The following CNTNAP2 variants were observed in gnomAD, a reference collection of about 807,000 sequenced individuals.
CNTNAP2 encodes contactin associated protein 2.
A neutral mutation model predicts 155.2 loss-of-function variants in CNTNAP2; 98 were observed. The ratio of observed to expected loss-of-function variants is 0.63; its 90% CI spans 0.54 to 0.75. The LOEUF (loss-of-function observed/expected upper bound fraction) is 0.75, where lower values mean the gene tolerates loss of function less well. Among genes scored for constraint, CNTNAP2 ranks in the 30% least tolerant of loss-of-function variants. The pLI is 0.00. For missense variants in CNTNAP2, 1,727 were observed against 1,688.1 expected, an observed-to-expected ratio of 1.02 and a Z score of -0.40; for synonymous variants, 651 against 631.2, an observed-to-expected ratio of 1.03 and a Z score of -0.47.
At chr7:147,159,278 G>T (rs973669918) in intron 8 of CNTNAP2, among the ~76,000 whole-genome samples, 1 of 152,066 alleles carries the variant, frequency 6.6e-6, no homozygotes, top group Admixed American at 6.6e-5. Context: ...ATAGGTAAGA[G>T]AATCATATGA....
At chr7:147,422,242 G>A (rs959993409) in intron 10 of CNTNAP2, among the ~76,000 whole-genome samples, 1 of 148,116 alleles carries the variant, frequency 6.8e-6, no homozygotes, top group Non-Finnish European at 1.5e-5. Context: ...TGTGTATATA[G>A]TATACTCATA....
intron 2 of CNTNAP2, among the ~76,000 whole-genome samples, chr7:146,811,133 G>A (rs995228105): frequency 5.3e-5 from 8 of 152,086 alleles, no homozygotes; most frequent in African/African-American, 7.2e-5. Flanking sequence ...TGATATGAAC[G>A]TTACTGGCCT....
chr7:146,827,781 A>G (rs1478139411), intron 2 of CNTNAP2, among the ~76,000 whole-genome samples: 2 of 152,218 alleles, frequency 1.3e-5, no homozygotes, highest in Non-Finnish European at 2.9e-5. Context: ...CTTGATTTCA[A>G]TTAGAAATGC....
At chr7:146,970,768 T>G (rs1438970940) in intron 3 of CNTNAP2, among the ~76,000 whole-genome samples, 2 of 152,186 alleles carry the variant, frequency 1.3e-5, no homozygotes, top group African/African-American at 4.8e-5. Flanking sequence ...ACACGTATGT[T>G]TATTGCGGCA....
At chr7:147,461,201 C>T (rs1798017414) in intron 10 of CNTNAP2, among the ~76,000 whole-genome samples, 1 of 152,062 alleles carries the variant, frequency 6.6e-6, no homozygotes, top group South Asian at 2.1e-4. Context: ...TAAATAAATA[C>T]ATAACAAAAT....
At chr7:146,332,941 A>ATTTTTTTTTTTTTTT (rs4016094) in intron 1 of CNTNAP2, among the ~76,000 whole-genome samples, 2 of 102,456 alleles carry the variant, frequency 2.0e-5, no homozygotes, top group Non-Finnish European at 3.9e-5. Context: ...TTCTTCTTCT[A>ATTTTTTTTTTTTTTT]TTTTTTTTTT....
At chr7:147,299,371 C>T (rs1048024214) in intron 8 of CNTNAP2, among the ~76,000 whole-genome samples, 5 of 151,336 alleles carry the variant, frequency 3.3e-5, no homozygotes, top group African/African-American at 1.2e-4. Flanking sequence ...TTCCAAAGAT[C>T]GTTGTATCAA....
intron 2 of CNTNAP2, among the ~76,000 whole-genome samples, chr7:146,788,967 A>G (rs1419726590): frequency 1.3e-5 from 2 of 152,286 alleles, no homozygotes; most frequent in African/African-American, 2.4e-5. Context: ...TGTATCAAGT[A>G]TCCATGAATA....
At chr7:148,354,562 A>C (rs781638614) in intron 21 of CNTNAP2, among the ~76,000 whole-genome samples, 5 of 152,056 alleles carry the variant, frequency 3.3e-5, no homozygotes, top group Non-Finnish European at 5.9e-5. Flanking sequence ...ACCTGTCCTC[A>C]GGAGCTCAAA....
At chr7:146,672,752 A>G (rs568065938) in intron 1 of CNTNAP2, among the ~76,000 whole-genome samples, 1 of 152,240 alleles carries the variant, frequency 6.6e-6, no homozygotes, top group African/African-American at 2.4e-5. Flanking sequence ...GAAAGATAAA[A>G]TAACCAAACA....
At chr7:148,335,054 TA>T (rs755461610) in intron 21 of CNTNAP2, among the ~76,000 whole-genome samples, 8 of 152,132 alleles carry the variant, frequency 5.3e-5, no homozygotes, top group Non-Finnish European at 1.0e-4. Flanking sequence ...CTCTCAGCTG[TA>T]TTGTGTCTGG....
At chr7:147,484,270 A>G (rs948627400) in intron 10 of CNTNAP2, among the ~76,000 whole-genome samples, 16 of 152,118 alleles carry the variant, frequency 1.1e-4, no homozygotes, top group African/African-American at 3.9e-4. Context: ...ATTCAACAAG[A>G]TGCTTTTGTT....
intron 1 of CNTNAP2, among the ~76,000 whole-genome samples, chr7:146,318,140 C>CA (rs56687517): frequency 0.13 from 14,459 of 112,894 alleles, 1,621 homozygotes; most frequent in African/African-American, 0.32. Flanking sequence ...GACTCCATCT[C>CA]AAAAAAAAAA....
At chr7:146,693,581 A>G (rs1316898730) in intron 1 of CNTNAP2, among the ~76,000 whole-genome samples, 1 of 152,166 alleles carries the variant, frequency 6.6e-6, no homozygotes, top group Non-Finnish European at 1.5e-5. Context: ...CTGCCAGAAT[A>G]TTATACCTTG....
At chr7:148,403,746 T>TATCA (rs1220409758) in intron 22 of CNTNAP2, among the ~76,000 whole-genome samples, 2 of 152,242 alleles carry the variant, frequency 1.3e-5, no homozygotes, top group South Asian at 2.1e-4. Flanking sequence ...AAAATGTATC[T>TATCA]ATCAAAATAG....
intron 12 of CNTNAP2, among the ~76,000 whole-genome samples, chr7:147,605,089 C>CGA (rs1801035314): frequency 6.6e-6 from 1 of 151,658 alleles, no homozygotes; most frequent in African/African-American, 2.4e-5. Flanking sequence ...TGCAAAGTAG[C>CGA]AGATTTAATC....
chr7:147,534,412 A>T (rs947693117), intron 11 of CNTNAP2, among the ~76,000 whole-genome samples: 1 of 152,148 alleles, frequency 6.6e-6, no homozygotes, highest in Non-Finnish European at 1.5e-5. Flanking sequence ...AACAAGTTAG[A>T]GCTCAATTTC....
intron 2 of CNTNAP2, among the ~76,000 whole-genome samples, chr7:146,796,332 C>T (rs759002074): frequency 7.2e-5 from 11 of 152,226 alleles, no homozygotes; most frequent in Non-Finnish European, 1.3e-4. Context: ...TGAGAACGAC[C>T]GTCACATCCA....
intron 13 of CNTNAP2, among the ~76,000 whole-genome samples, chr7:147,803,239 C>T (rs749186320): frequency 2.6e-5 from 4 of 152,116 alleles, no homozygotes; most frequent in Non-Finnish European, 5.9e-5. Flanking sequence ...ACCTTATGCC[C>T]CCCAAAATGT....
Sources: allele counts gnomAD v4.1 joint callset (sites outside exome capture counted in the v4.1 genomes callset), GRCh38; gene constraint gnomAD v4.1.1; transcripts MANE v1.5; gene names NCBI Gene and HGNC (gene_info 2026-07-23, HGNC 2026-07-21).